The following CEP89 variants were observed in gnomAD, a reference collection of about 807,000 sequenced individuals.
The protein encoded by CEP89 is centrosomal protein 89.
Under a neutral mutation model 97.6 loss-of-function variants are expected in CEP89, and 95 were observed. The observed-to-expected ratio is 0.97, with a 90% CI of 0.82 to 1.15. CEP89 has a LOEUF of 1.15. CEP89 is among the 50% of genes most tolerant of loss of function. The probability of loss-of-function intolerance (pLI) is 0.00; values close to 1 mark genes in which losing one functional copy is unlikely to be tolerated. For synonymous variants in CEP89, 354 were observed against 349.1 expected (o/e 1.01, Z -0.16); for missense variants, 869 against 947.7 (o/e 0.92, Z 1.09).
chr19:32,922,578 T>G (rs1420275212), intron 12 of CEP89, among the ~76,000 whole-genome samples: 2 of 151,844 alleles, frequency 1.3e-5, no homozygotes, highest in Admixed American at 6.6e-5. Context: ...CCAGGCGCAG[T>G]GGCTCACGCC....
intron 14 of CEP89, among the ~76,000 whole-genome samples, chr19:32,911,990 G>A (rs750341958): frequency 2.6e-5 from 4 of 152,142 alleles, no homozygotes; most frequent in African/African-American, 4.8e-5. Flanking sequence ...ACTTTGGGAG[G>A]CCTAGGCAGG....
At chr19:32,923,570 C>CACACACAT in intron 11 of CEP89, 28 bp from the exon 12 acceptor site, 2 of 1,305,024 alleles carry the variant, frequency 1.5e-6, no homozygotes, top group Non-Finnish European at 2.2e-6. Flanking sequence ...TAAATTATAA[C>CACACACAT]ACACACATAC....
chr19:32,927,917 T>C (rs201981760), intron 9 of CEP89, among the ~76,000 whole-genome samples: 296 of 111,078 alleles, frequency 2.7e-3, no homozygotes, highest in African/African-American at 5.5e-3. Flanking sequence ...TTTTTTTTTT[T>C]TCTTTTTTTT....
chr19:32,887,311 G>T (rs1452100091), intron 17 of CEP89, among the ~76,000 whole-genome samples: 1 of 151,676 alleles, frequency 6.6e-6, no homozygotes, highest in Non-Finnish European at 1.5e-5. Context: ...TTGAACTCCT[G>T]GGCTCAATGG....
At chr19:32,916,399 A>G (rs1346488214) in intron 13 of CEP89, among the ~76,000 whole-genome samples, 1 of 152,242 alleles carries the variant, frequency 6.6e-6, no homozygotes, top group African/African-American at 2.4e-5. Flanking sequence ...CCAGTCTTCA[A>G]GGAACTGACT....
At chr19:32,885,795 T>A (rs756423252) in intron 17 of CEP89, among the ~76,000 whole-genome samples, 1 of 152,212 alleles carries the variant, frequency 6.6e-6, no homozygotes, top group Non-Finnish European at 1.5e-5. Context: ...TGTTTTGGTT[T>A]CTTCTTTGGA....
At chr19:32,971,447 G>T in intron 1 of CEP89, 1 of 476,566 alleles carries the variant, frequency 2.1e-6, no homozygotes, top group Non-Finnish European at 3.7e-6. Context: ...AGGAGGCTAA[G>T]GAGCTCAAGA....
chr19:32,918,886 T>G (rs1220875075), intron 12 of CEP89, among the ~76,000 whole-genome samples: 1 of 89,894 alleles, frequency 1.1e-5, no homozygotes, highest in East Asian at 8.7e-4. Context: ...TTCTTTTTCT[T>G]TTTTTTTTTT....
chr19:32,968,564 A>T (rs1308906833), intron 1 of CEP89, among the ~76,000 whole-genome samples: 1 of 151,980 alleles, frequency 6.6e-6, no homozygotes, highest in Admixed American at 6.6e-5. Flanking sequence ...GGTTTTCTTA[A>T]CCTTTGAATC....
chr19:32,900,113 T>G, intron 15 of CEP89, 115 bp from the exon 16 acceptor site: 1 of 912,956 alleles, frequency 1.1e-6, no homozygotes, highest in South Asian at 1.7e-5. Flanking sequence ...ATGCTATTCT[T>G]CAGCAACCTA....
intron 16 of CEP89, 144 bp from the exon 17 acceptor site, chr19:32,887,985 T>G: frequency 1.6e-6 from 1 of 623,252 alleles, no homozygotes; most frequent in Non-Finnish European, 2.8e-6. Context: ...CCACCCACTG[T>G]GTGAGGGCCT....
At chr19:32,943,879 C>T (rs150290160) in intron 5 of CEP89, among the ~76,000 whole-genome samples, 18 of 151,924 alleles carry the variant, frequency 1.2e-4, no homozygotes, top group African/African-American at 1.9e-4. Flanking sequence ...TGTGAAGGGA[C>T]GCATGTGGGG....
chr19:32,898,619 C>T (rs760910199), intron 16 of CEP89, among the ~76,000 whole-genome samples: 1 of 152,134 alleles, frequency 6.6e-6, no homozygotes, highest in Non-Finnish European at 1.5e-5. Flanking sequence ...TGGTGGCTCA[C>T]ACCTGTAATC....
intron 17 of CEP89, among the ~76,000 whole-genome samples, chr19:32,883,340 T>C (rs1969326122): frequency 6.6e-6 from 1 of 152,088 alleles, no homozygotes; most frequent in Admixed American, 6.6e-5. Flanking sequence ...CTTATTAATT[T>C]CTGTTTTTAA....
At chr19:32,891,225 C>T (rs915250544) in intron 16 of CEP89, among the ~76,000 whole-genome samples, 1 of 152,204 alleles carries the variant, frequency 6.6e-6, no homozygotes, top group African/African-American at 2.4e-5. Context: ...AGACAGGCTT[C>T]CCCTGCCCAA....
Position 32,879,077 on chromosome 19 carries a change from C to T in CEP89, c.*85G>A. The stretch of plus-strand genomic sequence containing the variant: ...CAGTGGGCTTACGCACCTCCGGCTG[C>T]CACCATGGGCTGCCCTGCAGGGAAG... On this transcript the variant is annotated 3_prime_UTR_variant, in exon 19 of 19. Transcript: ENST00000305768. 8.9e-7 allele frequency: 1 copy of T among 1,126,360 alleles called. No individual in the cohort carries two copies. Among genetic ancestry groups the T allele is most frequent in the Non-Finnish European group, 1.3e-6 (1 of 781,596 alleles). The allele number at this position is 1,126,360 out of a possible 1,614,324, so 69.8% of individuals were successfully genotyped here.
At chr19:32,969,622 T>A (rs557097798) in intron 1 of CEP89, 1 of 152,476 alleles carries the variant, frequency 6.6e-6, no homozygotes, top group South Asian at 2.1e-4. Context: ...TGGCCGATGG[T>A]GCAGGCTACA....
chr19:32,944,080 AG>A (rs1450351484), intron 5 of CEP89, among the ~76,000 whole-genome samples: 13 of 152,086 alleles, frequency 8.5e-5, no homozygotes, highest in African/African-American at 2.4e-5. Flanking sequence ...TACAAAAATT[AG>A]CCAGGCATGA....
In CEP89 at chr19:32,915,394, T is replaced by C. The variant is rs756798451; in HGVS notation, c.1508A>G (p.His503Arg). 1 of 1,613,462 alleles carries C rather than the reference T, an allele frequency of 6.2e-7. No homozygotes were observed. ...LRAKCQELKTHSDGKIAVEVH... is the reference protein window; with the variant it reads ...LRAKCQELKTRSDGKIAVEVH... ...TTCCACTGCGATTTTGCCATCCGAG[T>C]GTGTTTTGAGTTCTTGGCATTTGGC... is the stretch of plus-strand genomic sequence containing the variant. Residue 503 changes from histidine to arginine, a missense_variant, in exon 14 of 19, where the codon CAC becomes CGC. By Grantham distance (29) the His-to-Arg change is conservative. Coordinates refer to ENST00000305768, the MANE Select transcript of CEP89 (RefSeq NM_032816.5).
Sources: allele counts gnomAD v4.1 joint callset (sites outside exome capture counted in the v4.1 genomes callset), GRCh38; gene constraint gnomAD v4.1.1; transcripts MANE v1.5; gene names NCBI Gene and HGNC (gene_info 2026-07-23, HGNC 2026-07-21).